MCPH1: variants seen among roughly 807,000 people sequenced by gnomAD.
The protein encoded by MCPH1 is microcephalin 1.
In MCPH1, 104 loss-of-function variants were observed where a neutral mutation model predicts 84.5. That is an observed-to-expected ratio of 1.23 (90% CI 1.05 to 1.45). MCPH1 has a LOEUF of 1.45. MCPH1 is among the 40% of genes most tolerant of loss of function. The pLI is 0.00. For synonymous variants in MCPH1, 514 were observed against 366.8 expected, an observed-to-expected ratio of 1.40 and a Z score of -4.58; for missense variants, 1,498 against 1,005.7, an observed-to-expected ratio of 1.49 and a Z score of -6.62.
At chr8:6,597,304 C>G (rs775644505) in intron 12 of MCPH1, among the ~76,000 whole-genome samples, 1 of 152,184 alleles carries the variant, frequency 6.6e-6, no homozygotes, top group Non-Finnish European at 1.5e-5. Context: ...AGGACACAGG[C>G]AAGCCCCAGC....
At chr8:6,553,701 C>G (rs183213794) in intron 12 of MCPH1, among the ~76,000 whole-genome samples, 2 of 148,156 alleles carry the variant, frequency 1.3e-5, no homozygotes, top group African/African-American at 2.5e-5. Context: ...CCTTTTCCTT[C>G]TGGTTGGTGG....
At chr8:6,595,743 G>T (rs1828877678) in intron 12 of MCPH1, among the ~76,000 whole-genome samples, 1 of 152,268 alleles carries the variant, frequency 6.6e-6, no homozygotes, top group South Asian at 2.1e-4. Flanking sequence ...GTCCAACAAG[G>T]TCTTCAGAGC....
intron 12 of MCPH1, among the ~76,000 whole-genome samples, chr8:6,506,821 A>T (rs1363853938): frequency 6.6e-6 from 1 of 151,912 alleles, no homozygotes; most frequent in Non-Finnish European, 1.5e-5. Flanking sequence ...TCAGCATAAA[A>T]GGCATGAAAT....
intron 12 of MCPH1, among the ~76,000 whole-genome samples, chr8:6,581,503 T>G (rs1255275812): frequency 1.3e-5 from 2 of 152,234 alleles, no homozygotes; most frequent in Non-Finnish European, 2.9e-5. Flanking sequence ...TTTTTAAAAA[T>G]TATTAGCCTG....
chr8:6,556,618 T>A (rs903314539), intron 12 of MCPH1, among the ~76,000 whole-genome samples: 1 of 143,850 alleles, frequency 7.0e-6, no homozygotes, highest in Non-Finnish European at 1.5e-5. Flanking sequence ...TGTCTTTTTT[T>A]ATTTTTTTTT....
chr8:6,517,083 G>A (rs984742969), intron 12 of MCPH1, among the ~76,000 whole-genome samples: 5 of 152,318 alleles, frequency 3.3e-5, no homozygotes, highest in African/African-American at 4.8e-5. Context: ...GAGAAAGATA[G>A]TGTTCAAATA....
At chr8:6,581,215 T>C (rs546813221) in intron 12 of MCPH1, among the ~76,000 whole-genome samples, 1 of 152,200 alleles carries the variant, frequency 6.6e-6, no homozygotes, top group African/African-American at 2.4e-5. Flanking sequence ...CATAACCCAT[T>C]TCTGCCTAGT....
chr8:6,492,617 C>G (rs1056247374), intron 11 of MCPH1, among the ~76,000 whole-genome samples: 1 of 149,006 alleles, frequency 6.7e-6, no homozygotes, highest in Non-Finnish European at 1.5e-5. Flanking sequence ...CTATGCTATT[C>G]ATCATTAATA....
intron 10 of MCPH1, among the ~76,000 whole-genome samples, chr8:6,479,465 C>T (rs1388105092): frequency 6.6e-6 from 1 of 151,032 alleles, no homozygotes; most frequent in Non-Finnish European, 1.5e-5. Flanking sequence ...GACAGAGTCT[C>T]CCTCTGTCAC....
chr8:6,477,543 A>AT (rs752312740), intron 9 of MCPH1, 51 bp from the exon 10 acceptor site: 105 of 1,539,816 alleles, frequency 6.8e-5, no homozygotes, highest in Non-Finnish European at 9.2e-5. Flanking sequence ...TGGGAAAAAT[A>AT]TTTTTTATGT....
At chr8:6,446,161 C>A (rs1804336129) in intron 8 of MCPH1, 1 of 888,602 alleles carries the variant, frequency 1.1e-6, no homozygotes, top group African/African-American at 1.8e-5. Flanking sequence ...AAGGTTTACT[C>A]CTATTCATAA....
intron 12 of MCPH1, among the ~76,000 whole-genome samples, chr8:6,600,221 T>G (rs1319474406): frequency 6.6e-6 from 1 of 152,230 alleles, no homozygotes; most frequent in Non-Finnish European, 1.5e-5. Flanking sequence ...AAGAGTGCGG[T>G]ATTTTTAAGA....
At chr8:6,498,406 C>G (rs976387830) in intron 11 of MCPH1, among the ~76,000 whole-genome samples, 1 of 152,196 alleles carries the variant, frequency 6.6e-6, no homozygotes, top group African/African-American at 2.4e-5. Context: ...TTTAATACAA[C>G]TGAATTAGTG....
At chr8:6,532,574 T>TTA in intron 12 of MCPH1, 9 of 589,544 alleles carry the variant, frequency 1.5e-5, no homozygotes, top group Non-Finnish European at 2.2e-5. Context: ...TCCCTATCTT[T>TTA]AAAAAAAAAA....
chr8:6,579,956 G>A (rs1275919425), intron 12 of MCPH1, among the ~76,000 whole-genome samples: 1 of 152,200 alleles, frequency 6.6e-6, no homozygotes, highest in Non-Finnish European at 1.5e-5. Flanking sequence ...TGCCACCAAG[G>A]CCGTGCCCCT....
rs2290145 is a variant in MCPH1 at position 6,431,570 on chromosome 8, G to C, written c.305G>C (p.Ser102Thr). 4.0e-4 allele frequency: 648 copies of C among 1,609,642 alleles called. 6 individuals are homozygous for C. In the African/African-American group the frequency reaches 8.0e-3, roughly 20 times the overall value. ...GCTAATATGAATGAACACTTATCAAGCCTAATTAAAAAAAAAGTAAGTACA... is the reference window on the plus strand; with the variant it reads ...GCTAATATGAATGAACACTTATCAACCCTAATTAAAAAAAAAGTAAGTACA... ...PAANMNEHLS[S>T]LIKKKRKCMQ... The change falls in exon 4 of 14, where the codon AGC becomes ACC. Residue 102 changes from serine to threonine, a missense_variant. Physicochemically the swap from Ser to Thr is moderately conservative, Grantham distance 58 (BLOSUM62 1). Transcript: ENST00000344683.
intron 13 of MCPH1, chr8:6,624,887 T>C (rs2129581315): frequency 2.0e-6 from 2 of 982,068 alleles, no homozygotes; most frequent in East Asian, 2.3e-4. Flanking sequence ...TTTTTTTTTT[T>C]TTTCTGAGAT....
At chr8:6,433,556 C>G (rs1377574267) in intron 4 of MCPH1, among the ~76,000 whole-genome samples, 1 of 147,682 alleles carries the variant, frequency 6.8e-6, no homozygotes, top group Non-Finnish European at 1.5e-5. Flanking sequence ...TTGCTTGAAC[C>G]CAGGAGGTGG....
intron 12 of MCPH1, among the ~76,000 whole-genome samples, chr8:6,589,539 A>G (rs1009719282): frequency 6.6e-6 from 1 of 152,156 alleles, no homozygotes; most frequent in Admixed American, 6.5e-5. Flanking sequence ...CTGAACAACA[A>G]AGTTTGTTTT....
Sources: gnomAD v4.1 joint callset for allele counts (sites outside exome capture counted in the v4.1 genomes callset) on GRCh38, gnomAD v4.1.1 for gene constraint, MANE v1.5 for transcripts, NCBI Gene and HGNC (gene_info 2026-07-23, HGNC 2026-07-21) for gene names.